The following ARFGAP3 variants were observed in gnomAD, a reference collection of about 807,000 sequenced individuals.
ARFGAP3 encodes ARF GTPase activating protein 3.
Under a neutral mutation model 75.0 loss-of-function variants are expected in ARFGAP3, and 72 were observed. The observed-to-expected ratio is 0.96, with a 90% confidence interval of 0.79 to 1.17. The LOEUF (loss-of-function observed/expected upper bound fraction) is 1.17. Ranked by LOEUF, ARFGAP3 falls within the 50% of genes most tolerant of loss-of-function variation. ARFGAP3 has a pLI of 0.00. For missense variants in ARFGAP3, 620 were observed against 626.6 expected (o/e 0.99, Z 0.11); for synonymous variants, 221 against 217.9 (o/e 1.01, Z -0.13).
At position 42,823,910 on chromosome 22, in the gene ARFGAP3, C is replaced by A. The variant is rs554926925; in HGVS notation, c.626-208G>T. 2.5e-3 allele frequency: 663 copies of A among 268,216 alleles called. 1 individual carries two copies. Among genetic ancestry groups the A allele is most frequent in the Non-Finnish European group, 3.6e-3 (626 of 174,934 alleles). The allele number at this position is 268,216 out of a possible 1,614,324, so 16.6% of individuals were successfully genotyped here. A position where few individuals can be genotyped will look rare whatever the true frequency, so the allele number is the denominator to read the frequency against. ...AAATGGTGTCCTCAGTATTTCCACG[C>A]AGTCTCCAAACTCAGAGAAAATGTA... On this transcript the variant is annotated intron_variant, in intron 7 of 15. Transcript: ENST00000263245.
intron 6 of ARFGAP3, among the ~76,000 whole-genome samples, chr22:42,828,623 G>A (rs113034766): frequency 5.3e-5 from 8 of 151,514 alleles, no homozygotes; most frequent in African/African-American, 1.5e-4. Context: ...TGTGACATCC[G>A]GACTTCAGAG....
intron 13 of ARFGAP3, among the ~76,000 whole-genome samples, chr22:42,807,793 ATTTC>A (rs969911576): frequency 5.4e-5 from 8 of 148,800 alleles, no homozygotes; most frequent in Middle Eastern, 3.5e-3. Flanking sequence ...GTTCATTAAC[ATTTC>A]TTTCTTTTTT....
At chr22:42,825,245 ACT>A (rs963504778) in intron 7 of ARFGAP3, among the ~76,000 whole-genome samples, 7 of 152,234 alleles carry the variant, frequency 4.6e-5, no homozygotes, top group African/African-American at 1.7e-4. Flanking sequence ...ATAAAGCGAG[ACT>A]CTAGCTCAAA....
chr22:42,827,065 A>C (rs1233765215), intron 6 of ARFGAP3, 66 bp from the exon 7 acceptor site: 1 of 1,582,618 alleles, frequency 6.3e-7, no homozygotes, highest in African/African-American at 1.5e-5. Context: ...TTGAATATAT[A>C]ATAATTCAAC....
intron 14 of ARFGAP3, 94 bp from the exon 15 acceptor site, chr22:42,799,254 G>C: frequency 6.4e-7 from 1 of 1,556,156 alleles, no homozygotes; most frequent in Non-Finnish European, 8.7e-7. Context: ...CAGAGAACCC[G>C]GATCTCTCCC....
At position 42,831,646 on chromosome 22, in the gene ARFGAP3, G is replaced by C. The variant is rs775681339; in HGVS notation, c.478-10C>G. The C allele has an allele frequency of 1.9e-6, 3 of 1,613,750 alleles. No individual in the cohort carries two copies. In the East Asian group the frequency reaches 6.7e-5, roughly 36 times the overall value. On this transcript the variant is annotated splice_polypyrimidine_tract_variant and intron_variant, in intron 5 of 15. Transcript: ENST00000263245. ...ACGCTGTGTCACTCACCTGAAACAA[G>C]GCGAGAAAAGTCATTAGCAGACAAA...
At chr22:42,855,749 C>A (rs1169292149) in intron 1 of ARFGAP3, among the ~76,000 whole-genome samples, 1 of 151,628 alleles carries the variant, frequency 6.6e-6, no homozygotes, top group Admixed American at 6.6e-5. Flanking sequence ...GTGGCTCATG[C>A]CTGTAATCCT....
At chr22:42,813,289 T>TTG (rs1925446667) in intron 11 of ARFGAP3, among the ~76,000 whole-genome samples, 1 of 152,068 alleles carries the variant, frequency 6.6e-6, no homozygotes, top group African/African-American at 2.4e-5. Context: ...AAGGCAGAGT[T>TTG]TCTCACGGAG....
intron 9 of ARFGAP3, 77 bp from the exon 10 acceptor site, chr22:42,817,934 C>A: frequency 7.5e-7 from 1 of 1,334,350 alleles, no homozygotes; most frequent in Non-Finnish European, 9.8e-7. Context: ...CAAAATTAAA[C>A]ATGTAATTTA....
Position 42,810,875 on chromosome 22 carries a change from A to G in ARFGAP3, c.1134T>C (p.Tyr378=), listed in dbSNP as rs1602097318. ...FSSWDDSSDS[Y]WKKETSKDTE... is the part of the protein sequence containing the mutation. ...TATCTTTGCTGGTCTCTTTTTTCCAATAGGAATCTGAACTGTCATCCCAGC... is the reference window on the plus strand; with the variant it reads ...TATCTTTGCTGGTCTCTTTTTTCCAGTAGGAATCTGAACTGTCATCCCAGC... Residue 378 remains tyrosine (Y), a synonymous_variant, in exon 12 of 16, where the codon TAT becomes TAC. Transcript: ENST00000263245. The G allele has an allele frequency of 1.9e-6, 3 of 1,614,058 alleles. No homozygotes were observed. The highest frequency in any genetic ancestry group is 1.6e-4 in the Middle Eastern group (1 of 6,062).
At chr22:42,841,645 A>G (rs1926785277) in intron 2 of ARFGAP3, among the ~76,000 whole-genome samples, 1 of 152,208 alleles carries the variant, frequency 6.6e-6, no homozygotes, top group Admixed American at 6.5e-5. Context: ...CGGTAAAGCA[A>G]CAATGTTAGA....
intron 14 of ARFGAP3, among the ~76,000 whole-genome samples, chr22:42,806,821 A>T (rs1316469685): frequency 6.6e-6 from 1 of 152,144 alleles, no homozygotes; most frequent in East Asian, 1.9e-4. Flanking sequence ...CAGCTAGAAA[A>T]CACTCCTCTA....
intron 8 of ARFGAP3, 163 bp from the exon 9 acceptor site, chr22:42,822,572 G>A (rs1395410751): frequency 2.6e-6 from 1 of 383,956 alleles, no homozygotes; most frequent in East Asian, 1.6e-4. Flanking sequence ...TATTATTCCA[G>A]GAGTCCCTCA....
chr22:42,831,837 C>T, intron 5 of ARFGAP3: 1 of 732,742 alleles, frequency 1.4e-6, no homozygotes, highest in Non-Finnish European at 1.7e-6. Flanking sequence ...GGCTAGAGTG[C>T]AGAAGCACAA....
intron 11 of ARFGAP3, among the ~76,000 whole-genome samples, chr22:42,815,433 A>G (rs1334603474): frequency 1.3e-5 from 2 of 151,496 alleles, no homozygotes; most frequent in South Asian, 4.2e-4. Flanking sequence ...TTTTTTGGTA[A>G]AATCCCTGGA....
chr22:42,806,004 C>T (rs940350956), intron 14 of ARFGAP3, among the ~76,000 whole-genome samples: 5 of 152,210 alleles, frequency 3.3e-5, no homozygotes, highest in African/African-American at 1.2e-4. Flanking sequence ...CCAGAATGTC[C>T]GACACTCAGA....
Position 42,841,009 on chromosome 22 carries a change from CTG to C in ARFGAP3, c.194_195del (p.Thr65ArgfsTer21). ...AACCATGACCAGTTGGAATCCAACT[CTG>C]TAGATCTAAATGGAAAGAATATTAC... ...LGVHLSFIRS[T>X]ELDSNWSWFQ... On this transcript the variant is annotated frameshift_variant, in exon 3 of 16. Transcript: ENST00000263245. LOFTEE classifies it high-confidence loss of function. 1.9e-6 allele frequency: 3 copies of C among 1,613,960 alleles called. No individual in the cohort carries two copies. Among genetic ancestry groups the C allele is most frequent in the Non-Finnish European group, 1.7e-6 (2 of 1,179,934 alleles).
In ARFGAP3 at chr22:42,817,773, A is replaced by AT. The variant is rs774441374; in HGVS notation, c.896dup (p.Asn299LysfsTer3). On this transcript the variant is annotated frameshift_variant, in exon 10 of 16. Transcript: ENST00000263245. LOFTEE classifies it high-confidence loss of function. The stretch of plus-strand genomic sequence containing the variant: ...CCATGCCGAGTCTGTCTGAGTCAAC[A>AT]TTTTTTTTGCCACTAATGTTCATCT... 11 of 1,611,412 alleles carry AT rather than the reference A, an allele frequency of 6.8e-6. No homozygotes were observed. The highest frequency in any genetic ancestry group is 6.8e-6 in the Non-Finnish European group (8 of 1,178,576).
intron 8 of ARFGAP3, among the ~76,000 whole-genome samples, chr22:42,823,038 G>A (rs1305223237): frequency 6.6e-6 from 1 of 152,046 alleles, no homozygotes; most frequent in East Asian, 1.9e-4. Flanking sequence ...TTGAACTCCG[G>A]GGCTCAAGTG....
Sources: gnomAD v4.1 joint callset for allele counts (sites outside exome capture counted in the v4.1 genomes callset) on GRCh38, gnomAD v4.1.1 for gene constraint, MANE v1.5 for transcripts, NCBI Gene and HGNC (gene_info 2026-07-23, HGNC 2026-07-21) for gene names.